Variants in EYA2 observed in about 807,000 individuals in gnomAD.
EYA2 encodes the protein EYA transcriptional coactivator and phosphatase 2, also known as protein phosphatase EYA2.
A neutral mutation model predicts 69.2 loss-of-function variants in EYA2; 31 were observed. That is an observed-to-expected ratio of 0.45 (90% confidence interval 0.34 to 0.60). EYA2 has a LOEUF of 0.60. EYA2 is among the 20% of genes least tolerant of loss of function. The probability of loss-of-function intolerance (pLI) is 0.02; values close to 1 mark genes in which losing one functional copy is unlikely to be tolerated. For synonymous variants in EYA2, 257 were observed against 279.4 expected, an observed-to-expected ratio of 0.92 and a Z score of 0.80; for missense variants, 622 against 701.2, an observed-to-expected ratio of 0.89 and a Z score of 1.28.
chr20:46,919,605 ATGT>A (rs1172271002), intron 1 of EYA2, among the ~76,000 whole-genome samples: 1 of 152,226 alleles, frequency 6.6e-6, no homozygotes, highest in Non-Finnish European at 1.5e-5. Flanking sequence ...GTGTATGGGA[ATGT>A]TGTGGTTGGT....
intron 1 of EYA2, among the ~76,000 whole-genome samples, chr20:46,959,049 GTATA>G: frequency 6.6e-6 from 1 of 152,332 alleles, no homozygotes; most frequent in South Asian, 2.1e-4. Context: ...ATTCCTTTGG[GTATA>G]TACCCAGTAA....
At chr20:46,948,396 C>T (rs1005326666) in intron 1 of EYA2, among the ~76,000 whole-genome samples, 3 of 152,092 alleles carry the variant, frequency 2.0e-5, no homozygotes, top group Admixed American at 6.5e-5. Flanking sequence ...GGTTGCCAAC[C>T]CTGGTCTACT....
At chr20:47,011,323 C>G (rs749191768) in intron 4 of EYA2, among the ~76,000 whole-genome samples, 2 of 152,100 alleles carry the variant, frequency 1.3e-5, no homozygotes, top group Non-Finnish European at 2.9e-5. Flanking sequence ...ATGGGCTGAT[C>G]CAAATTCACA....
chr20:47,182,119 A>G (rs6018326), intron 14 of EYA2, among the ~76,000 whole-genome samples: 84,648 of 151,474 alleles, frequency 0.56, 25,685 homozygotes, highest in African/African-American at 0.82. Context: ...GGGTTCAAGC[A>G]GTTCTCCTGC....
chr20:47,073,160 C>T (rs2031378649), intron 6 of EYA2, among the ~76,000 whole-genome samples: 1 of 152,194 alleles, frequency 6.6e-6, no homozygotes, highest in Non-Finnish European at 1.5e-5. Context: ...CTCTGACTCC[C>T]AGCTCTGGGG....
chr20:46,912,052 A>G (rs549129137), intron 1 of EYA2, among the ~76,000 whole-genome samples: 1 of 152,318 alleles, frequency 6.6e-6, no homozygotes, highest in East Asian at 1.9e-4. Context: ...CCCCCCATAA[A>G]TACATACAAT....
chr20:47,098,307 A>T (rs2146520708), intron 9 of EYA2, among the ~76,000 whole-genome samples: 1 of 152,324 alleles, frequency 6.6e-6, no homozygotes, highest in East Asian at 1.9e-4. Flanking sequence ...TGGGCTCCAC[A>T]GCCATTGCAA....
chr20:46,895,640 C>T (rs1983768743), intron 1 of EYA2, among the ~76,000 whole-genome samples: 1 of 152,140 alleles, frequency 6.6e-6, no homozygotes, highest in Non-Finnish European at 1.5e-5. Context: ...TAGAAGGCGG[C>T]AAGGATTTCG....
intron 2 of EYA2, among the ~76,000 whole-genome samples, chr20:46,991,388 T>C (rs1332283253): frequency 1.3e-5 from 2 of 152,196 alleles, no homozygotes; most frequent in Non-Finnish European, 2.9e-5. Flanking sequence ...CATAATGGCG[T>C]ACTTCATAGG....
intron 2 of EYA2, among the ~76,000 whole-genome samples, chr20:46,996,493 A>G (rs191174143): frequency 4.1e-4 from 62 of 152,346 alleles, no homozygotes; most frequent in Non-Finnish European, 8.1e-4. Flanking sequence ...TGTTTTAACA[A>G]GATCCCCAGG....
chr20:47,054,798 T>C (rs1479505434), intron 5 of EYA2, among the ~76,000 whole-genome samples: 1 of 152,180 alleles, frequency 6.6e-6, no homozygotes, highest in Admixed American at 6.5e-5. Flanking sequence ...TGCTGTTACC[T>C]ATGAACTTTT....
At chr20:47,115,649 C>G (rs956776313) in intron 9 of EYA2, among the ~76,000 whole-genome samples, 2 of 152,144 alleles carry the variant, frequency 1.3e-5, no homozygotes. Context: ...CCGCCCTCTC[C>G]ACGGGTCTGG....
chr20:46,907,328 A>T (rs540510364), intron 1 of EYA2, among the ~76,000 whole-genome samples: 121 of 152,340 alleles, frequency 7.9e-4, no homozygotes, highest in African/African-American at 2.8e-3. Context: ...CCGGCTTTCC[A>T]TGTCTCCACA....
At position 47,188,484 on chromosome 20, in the gene EYA2, A is replaced by G. The variant is rs968785083; in HGVS notation, c.*351A>G. 2.0e-4 allele frequency: 106 copies of G among 533,620 alleles called. No homozygotes were observed. The highest frequency in any genetic ancestry group is 3.0e-4 in the Non-Finnish European group (91 of 302,708). 33.1% of individuals were successfully genotyped at this position (533,620 alleles called of 1,614,324 possible). On this transcript the variant is annotated 3_prime_UTR_variant, in exon 16 of 16. Transcript: ENST00000327619. Reference sequence around the variant, plus strand: ...GTCTTGTCTTCTTTTTAATTTATGGACTAGTCTCATTACTCCGGAATTATG... The same window carrying G: ...GTCTTGTCTTCTTTTTAATTTATGGGCTAGTCTCATTACTCCGGAATTATG...
chr20:47,099,564 C>A (rs1299175802), intron 9 of EYA2, among the ~76,000 whole-genome samples: 2 of 152,188 alleles, frequency 1.3e-5, no homozygotes, highest in African/African-American at 4.8e-5. Context: ...TAGAGCATCA[C>A]AAATGCTAAC....
At chr20:46,938,550 G>A (rs1379829668) in intron 1 of EYA2, among the ~76,000 whole-genome samples, 3 of 152,112 alleles carry the variant, frequency 2.0e-5, no homozygotes, top group African/African-American at 7.2e-5. Flanking sequence ...GCATGTAGCT[G>A]TTGATTGGAG....
rs1410593135 is a variant in EYA2 at position 47,081,175 on chromosome 20, T to C, written c.661+6840T>C. On this transcript the variant is annotated intron_variant, in intron 7 of 15. Transcript: ENST00000327619. Reference sequence around the variant, plus strand: ...TTCAGTCTCAGGTATGTCTTTATCATAATTCAGTCACCTCCCACTGGGTTC... The same window carrying C: ...TTCAGTCTCAGGTATGTCTTTATCACAATTCAGTCACCTCCCACTGGGTTC... 2.0e-5 allele frequency among the ~76,000 whole-genome samples: 3 copies of C among 152,140 alleles called. No homozygotes were observed. The East Asian group carries it at 5.8e-4, about 29-fold the overall frequency.
intron 1 of EYA2, among the ~76,000 whole-genome samples, chr20:46,964,674 G>A (rs1451642434): frequency 1.3e-5 from 2 of 152,202 alleles, no homozygotes; most frequent in Non-Finnish European, 2.9e-5. Context: ...AATGCCCTCA[G>A]AACAACCCCA....
At chr20:47,090,106 C>T (rs1380924818) in intron 8 of EYA2, among the ~76,000 whole-genome samples, 1 of 152,026 alleles carries the variant, frequency 6.6e-6, no homozygotes, top group Non-Finnish European at 1.5e-5. Context: ...TATCAAGTTG[C>T]ACCTCAGACC....
Sources: allele counts gnomAD v4.1 joint callset (sites outside exome capture counted in the v4.1 genomes callset), GRCh38; gene constraint gnomAD v4.1.1; transcripts MANE v1.5; gene names NCBI Gene and HGNC (gene_info 2026-07-23, HGNC 2026-07-21).